Variants in ANKRD36 observed in about 807,000 individuals in gnomAD.
The protein encoded by ANKRD36 is ankyrin repeat domain-containing protein 36A.
ANKRD36 carries 179 observed loss-of-function variants against 278.1 expected under a neutral mutation model. The ratio of observed to expected loss-of-function variants is 0.64; its 90% CI spans 0.57 to 0.73. ANKRD36 has a LOEUF of 0.73. ANKRD36 is among the 30% of genes least tolerant of loss of function. ANKRD36 has a pLI of 0.00. For synonymous variants in ANKRD36, 320 were observed against 641.1 expected, an observed-to-expected ratio of 0.50 and a Z score of 7.57; for missense variants, 1,159 against 1,956.7, an observed-to-expected ratio of 0.59 and a Z score of 7.69.
intron 75 of ANKRD36, among the ~76,000 whole-genome samples, chr2:97,250,384 T>TA (rs2075813495): frequency 1.4e-5 from 2 of 144,348 alleles, no homozygotes; most frequent in African/African-American, 2.4e-5. Flanking sequence ...TTCATAGCTT[T>TA]AAAAAAATCG....
intron 67 of ANKRD36, among the ~76,000 whole-genome samples, chr2:97,228,071 C>T (rs1216805783): frequency 5.9e-5 from 9 of 152,216 alleles, no homozygotes; most frequent in Non-Finnish European, 1.0e-4. Context: ...CATCAATGTT[C>T]ATTAAGGATA....
intron 14 of ANKRD36, among the ~76,000 whole-genome samples, chr2:97,153,582 A>T (rs1440607938): frequency 6.8e-6 from 1 of 147,706 alleles, no homozygotes; most frequent in African/African-American, 2.4e-5. Flanking sequence ...AAATCAGAGA[A>T]ATGAGAATTG....
intron 42 of ANKRD36, 94 bp from the exon 43 acceptor site, chr2:97,198,369 A>G (rs1244635634): frequency 6.5e-7 from 1 of 1,543,472 alleles, no homozygotes; most frequent in African/African-American, 1.4e-5. Flanking sequence ...TAATACAGGC[A>G]GGAGGACAGA....
chr2:97,237,878 A>G (rs1455211573), intron 68 of ANKRD36, among the ~76,000 whole-genome samples: 1 of 151,248 alleles, frequency 6.6e-6, no homozygotes, highest in Non-Finnish European at 1.5e-5. Context: ...GGGAGAGTTT[A>G]TGTATAATTG....
intron 22 of ANKRD36, among the ~76,000 whole-genome samples, chr2:97,178,684 G>C (rs1047242704): frequency 2.4e-5 from 3 of 126,870 alleles, no homozygotes; most frequent in Admixed American, 9.0e-5. Context: ...TTTGTGGGGT[G>C]GGGGGAGGGG....
At chr2:97,179,076 G>A (rs538009280) in intron 22 of ANKRD36, among the ~76,000 whole-genome samples, 58 of 151,586 alleles carry the variant, frequency 3.8e-4, no homozygotes, top group African/African-American at 1.4e-3. Flanking sequence ...ATTATACCTT[G>A]TTGCAATGAG....
intron 42 of ANKRD36, among the ~76,000 whole-genome samples, chr2:97,197,353 A>T (rs2060060384): frequency 1.3e-5 from 2 of 151,214 alleles, no homozygotes; most frequent in South Asian, 4.2e-4. Context: ...ATATTTTAAT[A>T]AAAAATACTT....
chr2:97,128,975 G>T (rs2039349077), intron 6 of ANKRD36, among the ~76,000 whole-genome samples: 1 of 151,954 alleles, frequency 6.6e-6, no homozygotes, highest in Admixed American at 6.6e-5. Flanking sequence ...TAATCCTTTG[G>T]GTATATACCC....
At chr2:97,210,213 C>T (rs1169318859) in intron 56 of ANKRD36, among the ~76,000 whole-genome samples, 6 of 151,942 alleles carry the variant, frequency 3.9e-5, no homozygotes, top group South Asian at 4.2e-4. Flanking sequence ...ATAGATTTTA[C>T]AGACGTCACA....
intron 38 of ANKRD36, among the ~76,000 whole-genome samples, chr2:97,194,028 T>A (rs937288549): frequency 1.3e-5 from 2 of 151,656 alleles, no homozygotes; most frequent in African/African-American, 4.8e-5. Context: ...TGATAATTGA[T>A]GATATTTTTA....
chr2:97,127,594 G>T (rs1220737233), intron 6 of ANKRD36, among the ~76,000 whole-genome samples: 6 of 151,792 alleles, frequency 4.0e-5, no homozygotes, highest in African/African-American at 1.2e-4. Context: ...TACGTATTTG[G>T]TATGTTGTAT....
chr2:97,194,494 A>G (rs961075723), intron 38 of ANKRD36, among the ~76,000 whole-genome samples: 2 of 151,592 alleles, frequency 1.3e-5, no homozygotes, highest in African/African-American at 4.8e-5. Context: ...AGCTTTCGAC[A>G]CATAAAAAAT....
rs1201490268 is a variant in ANKRD36 at position 97,215,646 on chromosome 2, C to A, written c.3673+149C>A. On this transcript the variant is annotated intron_variant, in intron 62 of 75. Transcript: ENST00000420699. ...CATTTGTAATAAGTCCTCAGGTGACCCTGATGGTGCTGGTCCTTGACCATG... is the reference window on the plus strand; with the variant it reads ...CATTTGTAATAAGTCCTCAGGTGACACTGATGGTGCTGGTCCTTGACCATG... 5 of 1,546,040 alleles carry A rather than the reference C, an allele frequency of 3.2e-6. No homozygotes were observed. The South Asian group carries it at 3.6e-5, about 11-fold the overall frequency.
intron 10 of ANKRD36, among the ~76,000 whole-genome samples, chr2:97,145,538 A>C (rs1370276322): frequency 1.3e-5 from 2 of 152,126 alleles, no homozygotes; most frequent in Non-Finnish European, 2.9e-5. Flanking sequence ...TTCAAACCAG[A>C]CTATTTTAGA....
At chr2:97,120,920 T>C (rs932368238) in intron 3 of ANKRD36, among the ~76,000 whole-genome samples, 74 of 151,988 alleles carry the variant, frequency 4.9e-4, no homozygotes, top group Middle Eastern at 6.3e-3. Context: ...TGGTGTCCCT[T>C]GAGCCTATCT....
At position 97,122,984 on chromosome 2, in the gene ANKRD36, A is replaced by T; in HGVS notation, c.584A>T (p.Tyr195Phe). 1.3e-6 allele frequency: 2 copies of T among 1,540,716 alleles called. No individual in the cohort carries two copies. The highest frequency in any genetic ancestry group is 1.8e-6 in the Non-Finnish European group (2 of 1,140,214). Residue 195 changes from tyrosine (Y) to phenylalanine (F), a missense_variant, in exon 4 of 76, where the codon TAT becomes TTT. Transcript: ENST00000420699. ...AAAGCAAATGTAAATGCCATTGATT[A>T]TCTTGGCAGGTACAGACCTTAGTTC... ...KKKANVNAID[Y>F]LGRSALIHAV...
At chr2:97,200,631 C>G in intron 46 of ANKRD36, 106 bp downstream of exon 46, 1 of 1,489,972 alleles carries the variant, frequency 6.7e-7, no homozygotes, top group South Asian at 1.3e-5. Context: ...TCTGATTCAC[C>G]AAGCTTGAGA....
chr2:97,211,613 T>G (rs533763530), intron 57 of ANKRD36, 39 bp downstream of exon 57: 1 of 1,600,692 alleles, frequency 6.2e-7, no homozygotes, highest in Admixed American at 1.7e-5. Context: ...CTATTAACTG[T>G]ATAGTATATG....
intron 32 of ANKRD36, among the ~76,000 whole-genome samples, chr2:97,188,051 A>G (rs1444963558): frequency 6.6e-6 from 1 of 151,682 alleles, no homozygotes; most frequent in Non-Finnish European, 1.5e-5. Context: ...GATAAAGCAC[A>G]CTGACTCATT....
Sources: allele counts gnomAD v4.1 joint callset (sites outside exome capture counted in the v4.1 genomes callset), GRCh38; gene constraint gnomAD v4.1.1; transcripts MANE v1.5; gene names NCBI Gene and HGNC (gene_info 2026-07-23, HGNC 2026-07-21).